Variants in LAMA2 observed in about 807,000 individuals in gnomAD.
LAMA2 encodes the protein laminin subunit alpha 2.
A neutral mutation model predicts 364.8 loss-of-function variants in LAMA2; 269 were observed. The observed-to-expected ratio is 0.74, with a 90% CI of 0.67 to 0.82. The LOEUF (loss-of-function observed/expected upper bound fraction) is 0.82. Ranked by LOEUF, LAMA2 falls within the 40% of genes least tolerant of loss-of-function variation. The probability of loss-of-function intolerance (pLI) is 0.00; values close to 1 mark genes in which losing one functional copy is unlikely to be tolerated. For synonymous variants in LAMA2, 1,379 were observed against 1,370.6 expected (o/e 1.01, Z -0.14); for missense variants, 3,807 against 3,873.2 (o/e 0.98, Z 0.45).
Position 129,154,500 on chromosome 6 carries a change from T to C in LAMA2, c.1028-5T>C, listed in dbSNP as rs949476105. On this transcript the variant is annotated splice_region_variant and splice_polypyrimidine_tract_variant and intron_variant, in intron 7 of 64. Coordinates refer to ENST00000421865, the MANE Select transcript of LAMA2 (RefSeq NM_000426.4). ...TGTTTATTAATTTATTTTTCCTTAA[T>C]GCAGCATGCAATTGTCATGGAAAAG... 1.2e-6 allele frequency: 2 copies of C among 1,608,472 alleles called. No individual in the cohort carries two copies. Among genetic ancestry groups the C allele is most frequent in the Non-Finnish European group, 1.7e-6 (2 of 1,174,900 alleles).
At chr6:129,505,433 C>T in intron 61 of LAMA2, 78 bp downstream of exon 61, 1 of 1,160,628 alleles carries the variant, frequency 8.6e-7, no homozygotes, top group South Asian at 1.3e-5. Flanking sequence ...TATTAGGTCA[C>T]ATGGGCCCAT....
chr6:129,270,993 A>G (rs1227471402), intron 17 of LAMA2, among the ~76,000 whole-genome samples: 1 of 152,174 alleles, frequency 6.6e-6, no homozygotes. Flanking sequence ...GTAGAACTCA[A>G]ATAGAATTTC....
intron 28 of LAMA2, among the ~76,000 whole-genome samples, chr6:129,325,119 C>T (rs1390929547): frequency 6.6e-6 from 1 of 152,210 alleles, no homozygotes; most frequent in Non-Finnish European, 1.5e-5. Flanking sequence ...CAGTCTGCTT[C>T]ATTCTCTCCT....
chr6:129,193,570 T>C (rs1016253426), intron 12 of LAMA2, among the ~76,000 whole-genome samples: 2 of 152,244 alleles, frequency 1.3e-5, no homozygotes, highest in African/African-American at 4.8e-5. Flanking sequence ...CCTAATACTT[T>C]GTTGGAAACA....
At chr6:128,963,511 T>G (rs939345520) in intron 1 of LAMA2, among the ~76,000 whole-genome samples, 21 of 146,320 alleles carry the variant, frequency 1.4e-4, no homozygotes, top group African/African-American at 5.2e-4. Context: ...TGAAATTCAC[T>G]GAGTATTTTC....
intron 55 of LAMA2, among the ~76,000 whole-genome samples, chr6:129,485,842 G>A (rs1370422595): frequency 6.6e-6 from 1 of 152,202 alleles, no homozygotes; most frequent in African/African-American, 2.4e-5. Context: ...CCACAAGAAA[G>A]GGAGAGCACG....
intron 4 of LAMA2, among the ~76,000 whole-genome samples, chr6:129,134,602 A>G (rs138938071): frequency 1.1e-4 from 16 of 152,278 alleles, no homozygotes; most frequent in Admixed American, 3.9e-4. Flanking sequence ...GTTTTACCTC[A>G]TATCATCAAG....
At chr6:129,093,114 C>A (rs1664740949) in intron 3 of LAMA2, among the ~76,000 whole-genome samples, 2 of 151,338 alleles carry the variant, frequency 1.3e-5, no homozygotes, top group Non-Finnish European at 2.9e-5. Context: ...TCCGGAGTAG[C>A]TGGGATTACA....
chr6:129,102,908 G>A (rs911062751), intron 4 of LAMA2, among the ~76,000 whole-genome samples: 2 of 152,124 alleles, frequency 1.3e-5, no homozygotes, highest in African/African-American at 2.4e-5. Context: ...TCCAGTATAC[G>A]CTCATTCCCA....
chr6:129,394,433 T>A (rs918487935), intron 37 of LAMA2, among the ~76,000 whole-genome samples: 2 of 152,266 alleles, frequency 1.3e-5, no homozygotes, highest in African/African-American at 2.4e-5. Context: ...TACATTTTTT[T>A]AATATATTTT....
At chr6:129,122,527 A>T (rs953667887) in intron 4 of LAMA2, among the ~76,000 whole-genome samples, 5 of 152,210 alleles carry the variant, frequency 3.3e-5, no homozygotes, top group Admixed American at 1.3e-4. Flanking sequence ...ACTAGACAGA[A>T]TACTGAAAAG....
At chr6:129,300,893 C>A in intron 22 of LAMA2, 21 bp downstream of exon 22, 1 of 1,613,246 alleles carries the variant, frequency 6.2e-7, no homozygotes. Flanking sequence ...CACTTTTTTG[C>A]TCTGATAATT....
At chr6:129,369,512 G>A (rs11751751) in intron 33 of LAMA2, among the ~76,000 whole-genome samples, 22,809 of 152,070 alleles carry the variant, frequency 0.15, 2,176 homozygotes, top group Non-Finnish European at 0.21. Context: ...AATGGGCCAG[G>A]CAAGGAGTTT....
At chr6:129,193,667 C>G (rs1194474282) in intron 12 of LAMA2, among the ~76,000 whole-genome samples, 3 of 152,168 alleles carry the variant, frequency 2.0e-5, no homozygotes, top group African/African-American at 7.2e-5. Flanking sequence ...AATACCTGAT[C>G]ACACCAGAAG....
At chr6:129,371,607 CTTT>C (rs376262275) in intron 34 of LAMA2, among the ~76,000 whole-genome samples, 4 of 132,564 alleles carry the variant, frequency 3.0e-5, no homozygotes, top group African/African-American at 2.8e-5. Flanking sequence ...AAAAGTATTT[CTTT>C]TTTTTTTTTT....
At chr6:129,138,944 G>A (rs1265307830) in intron 4 of LAMA2, among the ~76,000 whole-genome samples, 1 of 152,076 alleles carries the variant, frequency 6.6e-6, no homozygotes, top group Non-Finnish European at 1.5e-5. Flanking sequence ...AGTAGCTGAA[G>A]CGGTAGAAGG....
intron 3 of LAMA2, among the ~76,000 whole-genome samples, chr6:129,066,085 G>A (rs1313561895): frequency 5.0e-5 from 5 of 100,666 alleles, no homozygotes; most frequent in African/African-American, 1.2e-4. Flanking sequence ...TCGCTCTGTC[G>A]CCCAGGCTGG....
intron 4 of LAMA2, among the ~76,000 whole-genome samples, chr6:129,123,746 G>A (rs749831521): frequency 1.1e-4 from 17 of 152,114 alleles, no homozygotes; most frequent in African/African-American, 1.7e-4. Flanking sequence ...GGGGAAACAG[G>A]AAAGTATTAG....
At chr6:129,221,167 A>AAAT in intron 12 of LAMA2, among the ~76,000 whole-genome samples, 1 of 151,778 alleles carries the variant, frequency 6.6e-6, no homozygotes, top group East Asian at 1.9e-4. Context: ...CATCTCAAAA[A>AAAT]AAAAATAAAA....
Sources: allele counts gnomAD v4.1 joint callset (sites outside exome capture counted in the v4.1 genomes callset), GRCh38; gene constraint gnomAD v4.1.1; transcripts MANE v1.5; gene names NCBI Gene and HGNC (gene_info 2026-07-23, HGNC 2026-07-21).